The following SZRD1 variants were observed in gnomAD, a reference collection of about 807,000 sequenced individuals.
SZRD1 encodes SUZ RNA-binding domain-containing.
A neutral mutation model predicts 17.6 loss-of-function variants in SZRD1; 7 were observed. That is an observed-to-expected ratio of 0.40 (90% CI 0.23 to 0.75). The LOEUF (loss-of-function observed/expected upper bound fraction) is 0.75, where lower values mean the gene tolerates loss of function less well. SZRD1 is among the 30% of genes least tolerant of loss of function. SZRD1 has a pLI of 0.38. For missense variants in SZRD1, 178 were observed against 201.8 expected (o/e 0.88, Z 0.71); for synonymous variants, 77 against 77.9 (o/e 0.99, Z 0.06).
rs116187116 is a variant in SZRD1, at chr1:16,385,615, A to G, written c.52-5760A>G. Among the ~76,000 whole-genome samples, 708 of 152,150 alleles carry G rather than the reference A, an allele frequency of 4.7e-3. 7 individuals are homozygous for G. The highest frequency in any genetic ancestry group is 0.016 in the African/African-American group (662 of 41,492). On this transcript the variant is annotated intron_variant, in intron 1 of 3. Coordinates refer to ENST00000401088, the MANE Select transcript of SZRD1 (RefSeq NM_001114600.3). ...GTAATCTGCTTCACCTTACAGACAC[A>G]TCCCTATCTTTTGTCACCTTTGTTC...
chr1:16,384,719 T>A (rs2083160082), intron 1 of SZRD1, among the ~76,000 whole-genome samples: 1 of 152,232 alleles, frequency 6.6e-6, no homozygotes, highest in Non-Finnish European at 1.5e-5. Flanking sequence ...TGGAAGGTAG[T>A]CTCGCCTGCT....
chr1:16,368,617 G>T (rs2082862065), intron 1 of SZRD1, among the ~76,000 whole-genome samples: 1 of 152,104 alleles, frequency 6.6e-6, no homozygotes, highest in South Asian at 2.1e-4. Flanking sequence ...GATTTTATAG[G>T]GAGTAACAGG....
In SZRD1 at chr1:16,391,531, C is replaced by T. The variant is rs2085222454; in HGVS notation, c.101+107C>T. On this transcript the variant is annotated intron_variant, in intron 2 of 3. Transcript: ENST00000401088. This position sits in a 1 kb window ranked among gnomAD's most constrained non-coding sequence, Gnocchi z 4.3. ...TTAGGATTAGCAGGTCCTAGCAGGTCAGGCTCTGGGGCAGCAAACCCTTCC... is the reference window on the plus strand; with the variant it reads ...TTAGGATTAGCAGGTCCTAGCAGGTTAGGCTCTGGGGCAGCAAACCCTTCC... The T allele has an allele frequency of 4.1e-6, 4 of 976,990 alleles. No homozygotes were observed. Among genetic ancestry groups the T allele is most frequent in the Non-Finnish European group, 4.7e-6 (3 of 644,438 alleles). The allele number at this position is 976,990 out of a possible 1,614,324, so 60.5% of individuals were successfully genotyped here. A position where few individuals can be genotyped will look rare whatever the true frequency, so the allele number is the denominator to read the frequency against.
intron 3 of SZRD1, among the ~76,000 whole-genome samples, chr1:16,394,694 G>T (rs1033551726): frequency 1.3e-4 from 20 of 150,068 alleles, no homozygotes; most frequent in Non-Finnish European, 2.8e-4. Context: ...TAGGCCAGGT[G>T]CAGTAATCCC....
chr1:16,375,167 C>T (rs1001702448), intron 1 of SZRD1, among the ~76,000 whole-genome samples: 3 of 152,166 alleles, frequency 2.0e-5, no homozygotes, highest in African/African-American at 4.8e-5. Context: ...TGAGCCACCA[C>T]GCCTGGCCTT....
Position 16,395,165 on chromosome 1 carries a change from GT to G in SZRD1, c.*27del. On this transcript the variant is annotated 3_prime_UTR_variant, in exon 4 of 4. Coordinates refer to ENST00000401088, the MANE Select transcript of SZRD1 (RefSeq NM_001114600.3). Reference sequence around the variant, plus strand: ...AATGCAGGCAAGAAAAGATGCCGCCGTTGCTGCCGTCACCGCCTCCTGGGTC... The same window carrying G: ...AATGCAGGCAAGAAAAGATGCCGCCGTGCTGCCGTCACCGCCTCCTGGGTC... The G allele has an allele frequency of 1.9e-6, 3 of 1,544,908 alleles. No homozygotes were observed. The highest frequency in any genetic ancestry group is 2.7e-6 in the Non-Finnish European group (3 of 1,117,300).
At chr1:16,390,320 G>A (rs1299284161) in intron 1 of SZRD1, among the ~76,000 whole-genome samples, 1 of 152,192 alleles carries the variant, frequency 6.6e-6, no homozygotes, top group African/African-American at 2.4e-5. Context: ...AGGCATGCTG[G>A]TGCTGATGGG....
chr1:16,377,120 G>A (rs2083017105), intron 1 of SZRD1, among the ~76,000 whole-genome samples: 1 of 152,172 alleles, frequency 6.6e-6, no homozygotes, highest in Admixed American at 6.6e-5. Context: ...TTTGGGCTTG[G>A]AGGCATTGTG....
intron 1 of SZRD1, among the ~76,000 whole-genome samples, chr1:16,389,515 G>A (rs944777435): frequency 3.3e-5 from 5 of 149,774 alleles, no homozygotes; most frequent in Non-Finnish European, 5.9e-5. Flanking sequence ...TTTCCACTGT[G>A]TTAGCCAGGA....
intron 1 of SZRD1, among the ~76,000 whole-genome samples, chr1:16,385,121 A>G (rs888122451): frequency 6.6e-5 from 10 of 152,208 alleles, no homozygotes; most frequent in Admixed American, 5.2e-4. Context: ...TCTCTGTTCA[A>G]TATAAGATTG....
At chr1:16,384,997 T>C (rs1437131891) in intron 1 of SZRD1, among the ~76,000 whole-genome samples, 1 of 152,194 alleles carries the variant, frequency 6.6e-6, no homozygotes, top group African/African-American at 2.4e-5. Flanking sequence ...TCTTCTGAAA[T>C]GAAAACTAAC....
In SZRD1 at chr1:16,395,146, G is replaced by A; in HGVS notation, c.*6G>A. On this transcript the variant is annotated 3_prime_UTR_variant, in exon 4 of 4. Transcript: ENST00000401088. Reference sequence around the variant, plus strand: ...GCTTCAAACAGCGCAGATAAATGCAGGCAAGAAAAGATGCCGCCGTTGCTG... The same window carrying A: ...GCTTCAAACAGCGCAGATAAATGCAAGCAAGAAAAGATGCCGCCGTTGCTG... 6.2e-7 allele frequency: 1 copy of A among 1,605,252 alleles called. No homozygotes were observed. The highest frequency in any genetic ancestry group is 8.5e-7 in the Non-Finnish European group (1 of 1,171,902).
chr1:16,369,544 G>GCAGAAAGC (rs2082876373), intron 1 of SZRD1: 4 of 731,352 alleles, frequency 5.5e-6, no homozygotes, highest in Non-Finnish European at 9.7e-6. Context: ...AGCAGCGGAG[G>GCAGAAAGC]CAGAAAGCCA....
At chr1:16,383,991 C>T (rs1490360052) in intron 1 of SZRD1, among the ~76,000 whole-genome samples, 2 of 152,092 alleles carry the variant, frequency 1.3e-5, no homozygotes, top group East Asian at 1.9e-4. Context: ...TTTTAAAATA[C>T]GTGAATTGTT....
intron 1 of SZRD1, among the ~76,000 whole-genome samples, chr1:16,383,897 C>T (rs1305602844): frequency 2.0e-5 from 3 of 152,294 alleles, no homozygotes; most frequent in Non-Finnish European, 4.4e-5. Flanking sequence ...GGATTACAGG[C>T]GTGAGCCACC....
intron 1 of SZRD1, among the ~76,000 whole-genome samples, chr1:16,390,864 G>C (rs1256793977): frequency 6.6e-6 from 1 of 152,080 alleles, no homozygotes; most frequent in East Asian, 1.9e-4. Flanking sequence ...GGAACAGCAT[G>C]CTGAGTTCTG....
chr1:16,384,184 G>A (rs1394107931), intron 1 of SZRD1, among the ~76,000 whole-genome samples: 1 of 152,070 alleles, frequency 6.6e-6, no homozygotes. Flanking sequence ...AGGCAGAGAC[G>A]AAACAGAATT....
chr1:16,394,831 T>G (rs1313229810), intron 3 of SZRD1, among the ~76,000 whole-genome samples: 1 of 152,148 alleles, frequency 6.6e-6, no homozygotes, highest in Non-Finnish European at 1.5e-5. Flanking sequence ...AGCATATGCC[T>G]GTAGTCCCAG....
chr1:16,376,759 T>C (rs1422014824), intron 1 of SZRD1, among the ~76,000 whole-genome samples: 1 of 148,412 alleles, frequency 6.7e-6, no homozygotes, highest in East Asian at 2.0e-4. Context: ...TGAGCTGAGA[T>C]TGTGTCACTG....
Sources: gnomAD v4.1 joint callset for allele counts (sites outside exome capture counted in the v4.1 genomes callset) on GRCh38, gnomAD v4.1.1 for gene constraint, Gnocchi (gnomAD v3.1) non-coding constraint, MANE v1.5 for transcripts, NCBI Gene and HGNC (gene_info 2026-07-23, HGNC 2026-07-21) for gene names.